SKIC3: variants seen among roughly 807,000 people sequenced by gnomAD.
SKIC3 encodes SKI3 subunit of superkiller complex.
the SKIC3 span, among the ~76,000 whole-genome samples, chr5:95,549,433 A>G: frequency 6.6e-6 from 1 of 152,032 alleles, no homozygotes; most frequent in Non-Finnish European, 1.5e-5. Flanking sequence ...ATTTTTAAGT[A>G]GGTTGTTTTT....
At chr5:95,516,515 G>A in the SKIC3 span, 1 of 1,613,182 alleles carries the variant, frequency 6.2e-7, no homozygotes, top group Non-Finnish European at 8.5e-7. Context: ...TAGACACATA[G>A]AATACTCACA....
chr5:95,495,133 T>A, the SKIC3 span: 1 of 909,360 alleles, frequency 1.1e-6, no homozygotes, highest in Non-Finnish European at 1.8e-6. Flanking sequence ...TTTTACCACA[T>A]TCACAACTCC....
chr5:95,549,145 T>C, the SKIC3 span, among the ~76,000 whole-genome samples: 2 of 152,020 alleles, frequency 1.3e-5, no homozygotes, highest in East Asian at 3.9e-4. Context: ...ATGTTATTAA[T>C]GGCTTCTATT....
chr5:95,531,724 G>A, the SKIC3 span, among the ~76,000 whole-genome samples: 1 of 152,084 alleles, frequency 6.6e-6, no homozygotes, highest in Non-Finnish European at 1.5e-5. Context: ...TGATGCTACT[G>A]GTCCAGATAT....
the SKIC3 span, among the ~76,000 whole-genome samples, chr5:95,486,834 G>C: frequency 6.6e-6 from 1 of 152,290 alleles, no homozygotes; most frequent in African/African-American, 2.4e-5. Context: ...TTGGGTCCCA[G>C]AGGGTTGGTC....
the SKIC3 span, among the ~76,000 whole-genome samples, chr5:95,507,930 C>CAA: frequency 0.21 from 29,777 of 138,514 alleles, 3,835 homozygotes; most frequent in African/African-American, 0.37. Flanking sequence ...CGATACATAC[C>CAA]AAAAAAAAAA....
chr5:95,528,763 C>T, the SKIC3 span: 13 of 498,458 alleles, frequency 2.6e-5, no homozygotes, highest in Admixed American at 2.0e-4. Context: ...CCTAAACTGA[C>T]TATGTCAATA....
At chr5:95,522,465 A>AT in the SKIC3 span, among the ~76,000 whole-genome samples, 1 of 152,128 alleles carries the variant, frequency 6.6e-6, no homozygotes, top group South Asian at 2.1e-4. Flanking sequence ...TCCTTTTATG[A>AT]TTTTTTTAAT....
chr5:95,490,652 C>G, the SKIC3 span, among the ~76,000 whole-genome samples: 1 of 151,792 alleles, frequency 6.6e-6, no homozygotes, highest in Non-Finnish European at 1.5e-5. Context: ...TGCCCGCCAC[C>G]ACGCTCAGCT....
chr5:95,530,371 T>C, the SKIC3 span: 11 of 786,280 alleles, frequency 1.4e-5, no homozygotes, highest in Non-Finnish European at 2.2e-5. Flanking sequence ...AAAATTTAAA[T>C]AGACCAGCAA....
At chr5:95,526,403 G>A in the SKIC3 span, among the ~76,000 whole-genome samples, 1 of 151,542 alleles carries the variant, frequency 6.6e-6, no homozygotes, top group Admixed American at 6.6e-5. Context: ...TGGGTTCAGA[G>A]GTTTGAAGAT....
the SKIC3 span, among the ~76,000 whole-genome samples, chr5:95,472,481 C>T: frequency 6.6e-6 from 1 of 152,160 alleles, no homozygotes; most frequent in African/African-American, 2.4e-5. Flanking sequence ...CCGGAGGACA[C>T]AGATTGAAGC....
At chr5:95,502,944 C>A in the SKIC3 span, 1 of 1,614,060 alleles carries the variant, frequency 6.2e-7, no homozygotes, top group South Asian at 1.1e-5. Flanking sequence ...ATTGCCAGAG[C>A]TGTCAAGATA....
the SKIC3 span, chr5:95,482,470 T>TA: frequency 1.2e-6 from 2 of 1,613,864 alleles, no homozygotes; most frequent in South Asian, 1.1e-5. Flanking sequence ...GGAGAAAACT[T>TA]ACCTGCCAAG....
At chr5:95,513,486 C>T in the SKIC3 span, 6 of 1,456,710 alleles carry the variant, frequency 4.1e-6, no homozygotes, top group Non-Finnish European at 5.7e-6. Context: ...AGCCACTATG[C>T]CTAGCCCAAT....
At chr5:95,552,087 T>C in the SKIC3 span, among the ~76,000 whole-genome samples, 1 of 152,194 alleles carries the variant, frequency 6.6e-6, no homozygotes, top group Non-Finnish European at 1.5e-5. Context: ...TGGTTGAACT[T>C]ACAATTTTTT....
chr5:95,465,417 C>A, the SKIC3 span, among the ~76,000 whole-genome samples: 2 of 152,136 alleles, frequency 1.3e-5, no homozygotes, highest in South Asian at 4.1e-4. Context: ...TTATCAATAA[C>A]TTTTCCATGA....
At chr5:95,494,639 A>G in the SKIC3 span, 6 of 1,564,518 alleles carry the variant, frequency 3.8e-6, no homozygotes, top group Non-Finnish European at 5.3e-6. Flanking sequence ...ATGTATTTAG[A>G]AAAAAAAAGA....
chr5:95,491,011 T>C, the SKIC3 span: 3 of 1,614,060 alleles, frequency 1.9e-6, no homozygotes, highest in South Asian at 2.2e-5. Flanking sequence ...AGGCTGCCAT[T>C]AGCCCAGCCC....
Sources: allele counts gnomAD v4.1 joint callset (sites outside exome capture counted in the v4.1 genomes callset), GRCh38; gene constraint gnomAD v4.1.1; transcripts MANE v1.5; gene names NCBI Gene and HGNC (gene_info 2026-07-23, HGNC 2026-07-21).